The following OSMR variants were observed in gnomAD, a reference collection of about 807,000 sequenced individuals.
The protein encoded by OSMR is oncostatin-M-specific receptor subunit beta.
A neutral mutation model predicts 99.9 loss-of-function variants in OSMR; 81 were observed. The observed-to-expected ratio is 0.81, with a 90% CI of 0.68 to 0.97. The LOEUF (loss-of-function observed/expected upper bound fraction) is 0.97, where lower values mean the gene tolerates loss of function less well. Among genes scored for constraint, OSMR ranks in the 50% least tolerant of loss-of-function variants. The pLI, the probability that OSMR is intolerant of heterozygous loss-of-function variation, is 0.00. For missense variants in OSMR, 1,099 were observed against 1,153.4 expected, an observed-to-expected ratio of 0.95 and a Z score of 0.68; for synonymous variants, 406 against 410.4, an observed-to-expected ratio of 0.99 and a Z score of 0.13.
chr5:38,894,061 C>T (rs1302883060), intron 7 of OSMR, among the ~76,000 whole-genome samples: 2 of 152,284 alleles, frequency 1.3e-5, no homozygotes, highest in East Asian at 3.9e-4. Flanking sequence ...CCAAGAATTT[C>T]ATATCCTGCC....
chr5:38,883,611 C>A, intron 4 of OSMR: 3 of 693,104 alleles, frequency 4.3e-6, no homozygotes, highest in South Asian at 6.4e-5. Context: ...GCAGTAAGAG[C>A]AACAGCAGTG....
In OSMR at chr5:38,849,141, A is replaced by G. The variant is rs573367829; in HGVS notation, c.-14+2754A>G. ...TATCCATCCTTTCCTATATTGATGGACATTCAGCATTAGCAACGTTGCTTC... is the reference window on the plus strand; with the variant it reads ...TATCCATCCTTTCCTATATTGATGGGCATTCAGCATTAGCAACGTTGCTTC... On this transcript the variant is annotated intron_variant, in intron 1 of 17. Transcript: ENST00000274276. 1.2e-4 allele frequency among the ~76,000 whole-genome samples: 19 copies of G among 152,304 alleles called. No homozygotes were observed. In the South Asian group the frequency reaches 3.7e-3, roughly 30 times the overall value.
chr5:38,869,337 C>T (rs1742192921), intron 2 of OSMR, among the ~76,000 whole-genome samples: 2 of 152,210 alleles, frequency 1.3e-5, no homozygotes, highest in Non-Finnish European at 2.9e-5. Context: ...CCCTTTGACC[C>T]TGACTTCCTG....
At chr5:38,915,227 T>TCA (rs1745825837) in intron 9 of OSMR, among the ~76,000 whole-genome samples, 1 of 152,230 alleles carries the variant, frequency 6.6e-6, no homozygotes, top group Non-Finnish European at 1.5e-5. Context: ...ACTTTGAATT[T>TCA]ATGTTTTCAT....
At chr5:38,939,549 C>T (rs1747310235), downstream of OSMR, 2 of 229,916 alleles carry the variant, frequency 8.7e-6, no homozygotes, top group African/African-American at 4.4e-5. Flanking sequence ...TTCTAATTTC[C>T]TTATTTATCA....
In OSMR at chr5:38,932,502, C is replaced by T; in HGVS notation, c.2334C>T (p.Tyr778=). 1.2e-6 allele frequency: 2 copies of T among 1,613,714 alleles called. No homozygotes were observed. Among genetic ancestry groups the T allele is most frequent in the Non-Finnish European group, 1.7e-6 (2 of 1,179,688 alleles). Residue 778 remains tyrosine, a synonymous_variant, in exon 17 of 18, where the codon TAC becomes TAT. Transcript: ENST00000274276. ...ETCYPDIPDP[Y]KSSILSLIKF... Reference sequence around the variant, plus strand: ...GTTATCCTGACATCCCTGACCCTTACAAGAGCAGCATCCTGTCATTAATAA... The same window carrying T: ...GTTATCCTGACATCCCTGACCCTTATAAGAGCAGCATCCTGTCATTAATAA...
At chr5:38,942,422 G>T in intron 1 of OSMR, 1 of 1,146,744 alleles carries the variant, frequency 8.7e-7, no homozygotes, top group South Asian at 1.5e-5. Flanking sequence ...TATAAAAACA[G>T]ATGATATAAC....
At chr5:38,945,082 T>C (rs1748030571) in exon 3 of OSMR, 3 of 1,566,006 alleles carry the variant, frequency 1.9e-6, no homozygotes, top group Admixed American at 3.6e-5. Flanking sequence ...AAGAAAAAAA[T>C]AATTATTTCA....
chr5:38,851,975 C>T (rs143998239), intron 1 of OSMR, among the ~76,000 whole-genome samples: 55 of 152,336 alleles, frequency 3.6e-4, no homozygotes, highest in African/African-American at 1.1e-3. Context: ...GACTGTGAGG[C>T]CTCCCCAACC....
intron 15 of OSMR, among the ~76,000 whole-genome samples, chr5:38,928,585 G>T (rs1208903688): frequency 6.6e-6 from 1 of 152,036 alleles, no homozygotes; most frequent in East Asian, 1.9e-4. Context: ...AGCAGCATGG[G>T]GGTAGCCACC....
At chr5:38,900,036 C>T (rs979336061) in intron 7 of OSMR, among the ~76,000 whole-genome samples, 2 of 152,120 alleles carry the variant, frequency 1.3e-5, no homozygotes, top group Non-Finnish European at 2.9e-5. Context: ...TTATTTAGGG[C>T]CTTAGAGCAC....
At chr5:38,851,167 GC>G (rs1666840879) in intron 1 of OSMR, among the ~76,000 whole-genome samples, 1 of 152,150 alleles carries the variant, frequency 6.6e-6, no homozygotes, top group South Asian at 2.1e-4. Flanking sequence ...ATTGCCACTT[GC>G]ACAAGACTGA....
intron 1 of OSMR, among the ~76,000 whole-genome samples, chr5:38,861,687 A>G (rs1741334058): frequency 6.6e-6 from 1 of 150,536 alleles, no homozygotes; most frequent in African/African-American, 2.4e-5. Context: ...ACTTCCCAGT[A>G]GGGGCGGCCG....
intron 3 of OSMR, 87 bp from the exon 4 acceptor site, chr5:38,881,506 A>G: frequency 6.2e-7 from 1 of 1,611,720 alleles, no homozygotes; most frequent in Non-Finnish European, 8.5e-7. Context: ...ATGGGGTCTT[A>G]GGTTTGTGCT....
chr5:38,868,740 C>G (rs2112235611), intron 1 of OSMR, among the ~76,000 whole-genome samples: 1 of 152,266 alleles, frequency 6.6e-6, no homozygotes, highest in South Asian at 2.1e-4. Flanking sequence ...CATAAATGCT[C>G]TTTTCATGTC....
exon 3 of OSMR, chr5:38,945,029 G>A (rs761733708): frequency 6.2e-7 from 1 of 1,611,352 alleles, no homozygotes; most frequent in South Asian, 1.1e-5. Context: ...ATTATGGATA[G>A]TCTGCTCACA....
intron 1 of OSMR, among the ~76,000 whole-genome samples, chr5:38,853,804 T>G (rs1740635098): frequency 6.6e-6 from 1 of 152,196 alleles, no homozygotes; most frequent in South Asian, 2.1e-4. Flanking sequence ...AAATCAGGAT[T>G]TACCTTATAA....
chr5:38,886,399 A>G (rs1743775215), intron 7 of OSMR: 14 of 1,365,170 alleles, frequency 1.0e-5, no homozygotes, highest in East Asian at 5.4e-5. Flanking sequence ...ACGAGCACCA[A>G]TGAGCTTACT....
chr5:38,920,252 C>A (rs974514792), intron 11 of OSMR, among the ~76,000 whole-genome samples: 17 of 152,162 alleles, frequency 1.1e-4, no homozygotes, highest in Non-Finnish European at 2.1e-4. Context: ...TTTCTTGTTT[C>A]TACATCACCA....
Sources: gnomAD v4.1 joint callset for allele counts (sites outside exome capture counted in the v4.1 genomes callset) on GRCh38, gnomAD v4.1.1 for gene constraint, MANE v1.5 for transcripts, NCBI Gene and HGNC (gene_info 2026-07-23, HGNC 2026-07-21) for gene names.